MIDEAS: variants seen among roughly 807,000 people sequenced by gnomAD.
MIDEAS encodes mitotic deacetylase associated SANT domain protein.
In MIDEAS, 26 loss-of-function variants were observed where a neutral mutation model predicts 102.7. That is an observed-to-expected ratio of 0.25 (90% CI 0.19 to 0.35). The LOEUF (loss-of-function observed/expected upper bound fraction) is 0.35, where lower values mean the gene tolerates loss of function less well. Among genes scored for constraint, MIDEAS ranks in the 10% least tolerant of loss-of-function variants. The pLI is 1.00. For synonymous variants in MIDEAS, 585 were observed against 591.0 expected, an observed-to-expected ratio of 0.99 and a Z score of 0.15; for missense variants, 1,231 against 1,435.6, an observed-to-expected ratio of 0.86 and a Z score of 2.30.
chr14:73,732,350 G>A (rs992682554), intron 3 of MIDEAS, among the ~76,000 whole-genome samples: 2 of 151,956 alleles, frequency 1.3e-5, no homozygotes, highest in African/African-American at 4.8e-5. Flanking sequence ...AGATCTAGGT[G>A]AAAAAAAAGA....
intron 1 of MIDEAS, among the ~76,000 whole-genome samples, chr14:73,784,597 C>T (rs146900295): frequency 2.1e-4 from 32 of 152,276 alleles, no homozygotes; most frequent in African/African-American, 6.7e-4. Context: ...CAGAAGGGAA[C>T]GATCCCTTCT....
intron 1 of MIDEAS, among the ~76,000 whole-genome samples, chr14:73,765,994 A>G (rs1253144892): frequency 6.6e-6 from 1 of 152,214 alleles, no homozygotes; most frequent in East Asian, 1.9e-4. Flanking sequence ...TTCATGCTCC[A>G]GCAGCAACAC....
chr14:73,768,894 C>T (rs2053615877), intron 1 of MIDEAS, among the ~76,000 whole-genome samples: 1 of 152,202 alleles, frequency 6.6e-6, no homozygotes. Context: ...CTGAGTAGCA[C>T]TGCCAGGGAG....
intron 4 of MIDEAS, chr14:73,727,803 G>A (rs2053084344): frequency 2.6e-6 from 1 of 390,026 alleles, no homozygotes; most frequent in Non-Finnish European, 4.6e-6. Flanking sequence ...AATGCACAGA[G>A]CCTGGCACTC....
At chr14:73,783,784 G>A (rs1030092439) in intron 1 of MIDEAS, among the ~76,000 whole-genome samples, 3 of 152,302 alleles carry the variant, frequency 2.0e-5, no homozygotes, top group East Asian at 1.9e-4. Flanking sequence ...TTTTAAAGAA[G>A]GAAACAAATC....
At chr14:73,762,821 G>A (rs570670623), upstream of MIDEAS, among the ~76,000 whole-genome samples, 3 of 152,206 alleles carry the variant, frequency 2.0e-5, no homozygotes, top group South Asian at 2.1e-4. Context: ...CAAACTGCAC[G>A]AAAAAGGAGT....
At chr14:73,745,858 A>C (rs566548411) in intron 1 of MIDEAS, among the ~76,000 whole-genome samples, 10 of 152,376 alleles carry the variant, frequency 6.6e-5, no homozygotes, top group Non-Finnish European at 1.5e-5. Context: ...CCCTGGGAGC[A>C]TGAGAGAGCA....
rs563594084 is a variant in MIDEAS, at chr14:73,716,924, T to C, written c.*1919A>G. The C allele has an allele frequency of 1.3e-5, 2 of 152,628 alleles. No homozygotes were observed. Among genetic ancestry groups the C allele is most frequent in the Non-Finnish European group, 2.9e-5 (2 of 68,030 alleles). 9.5% of individuals were successfully genotyped at this position (152,628 alleles called of 1,614,324 possible). A position where few individuals can be genotyped will look rare whatever the true frequency, so the allele number is the denominator to read the frequency against. Reference sequence around the variant, plus strand: ...AGAGAGCCTAAATTTGCTACCCCCCTGCTTCTACAGGGTATACCAGATTTT... The same window carrying C: ...AGAGAGCCTAAATTTGCTACCCCCCCGCTTCTACAGGGTATACCAGATTTT... On this transcript the variant is annotated 3_prime_UTR_variant, in exon 13 of 13. Transcript: ENST00000423556.
intron 1 of MIDEAS, among the ~76,000 whole-genome samples, chr14:73,783,518 T>A (rs2053775475): frequency 6.6e-6 from 1 of 152,140 alleles, no homozygotes; most frequent in South Asian, 2.1e-4. Context: ...AGAAGTTTGA[T>A]CCTTACCATG....
In MIDEAS at chr14:73,739,511, C is replaced by G; in HGVS notation, c.498G>C (p.Lys166Asn). 1.2e-6 allele frequency: 2 copies of G among 1,613,822 alleles called. No homozygotes were observed. The highest frequency in any genetic ancestry group is 1.7e-6 in the Non-Finnish European group (2 of 1,179,788). Residue 166 changes from lysine to asparagine, a missense_variant, in exon 2 of 13, where the codon AAG becomes AAC. Coordinates refer to ENST00000423556, the MANE Select transcript of MIDEAS (RefSeq NM_001367710.1). ...PTYYNHPEAL[K>N]REKAGGPQLD... ...GCTGTGGGCCCCCCGCTTTCTCCCG[C>G]TTCAGTGCCTCAGGGTGGTTATAGT...
chr14:73,789,230 T>C (rs1238668876), upstream of MIDEAS: 1 of 145,762 alleles, frequency 6.9e-6, no homozygotes, highest in Non-Finnish European at 1.5e-5. Context: ...GACTAGGTTA[T>C]AAAAAAAAAA....
At chr14:73,752,948 C>A (rs1416368316) in intron 1 of MIDEAS, among the ~76,000 whole-genome samples, 1 of 152,210 alleles carries the variant, frequency 6.6e-6, no homozygotes, top group Non-Finnish European at 1.5e-5. Flanking sequence ...TGATGGGCCC[C>A]AGGTCAGACC....
At chr14:73,730,243 T>G in intron 3 of MIDEAS, 4 of 634,998 alleles carry the variant, frequency 6.3e-6, no homozygotes, top group East Asian at 5.9e-5. Flanking sequence ...CTGTTACATA[T>G]TCCTCTTCTT....
intron 1 of MIDEAS, among the ~76,000 whole-genome samples, chr14:73,782,382 AAG>A (rs1029085268): frequency 7.2e-5 from 11 of 152,032 alleles, no homozygotes; most frequent in African/African-American, 1.7e-4. Context: ...TAGATATATG[AAG>A]AGAGAGAGAG....
chr14:73,726,139 A>G (rs1406057457), intron 7 of MIDEAS, 31 bp from the exon 8 acceptor site: 1 of 1,542,830 alleles, frequency 6.5e-7, no homozygotes, highest in Non-Finnish European at 8.8e-7. Context: ...GGGTCAGGGC[A>G]CTGACAGGGG....
chr14:73,739,016 C>T lies in MIDEAS; in HGVS notation c.993G>A (p.Pro331=), dbSNP rs141317587. The T allele has an allele frequency of 2.0e-5, 31 of 1,539,856 alleles. No individual in the cohort carries two copies. Among genetic ancestry groups the T allele is most frequent in the South Asian group, 6.4e-5 (5 of 78,574 alleles). Residue 331 remains proline, a synonymous_variant, in exon 2 of 13, where the codon CCG becomes CCA. Transcript: ENST00000423556. ...TCTGGACCTGAGGTAGCGCTGGCTG[C>T]GGGGCTGAGTCCTGCAGAAGGGCCT... ...LRKALLQDSA[P]QPALPQVQIP...
chr14:73,784,392 A>T (rs1051941772), intron 1 of MIDEAS, among the ~76,000 whole-genome samples: 3 of 152,264 alleles, frequency 2.0e-5, no homozygotes, highest in Non-Finnish European at 4.4e-5. Context: ...AAAATCTGCC[A>T]TTGGGAACTG....
chr14:73,757,514 A>G (rs887820071), intron 1 of MIDEAS, among the ~76,000 whole-genome samples: 4 of 152,192 alleles, frequency 2.6e-5, no homozygotes, highest in East Asian at 1.9e-4. Context: ...GGTGGAAATG[A>G]GTGTTCAGAA....
At chr14:73,761,775 C>T (rs146465098), upstream of MIDEAS, among the ~76,000 whole-genome samples, 4 of 152,282 alleles carry the variant, frequency 2.6e-5, no homozygotes, top group Admixed American at 6.5e-5. Context: ...CTGAAGAGCC[C>T]TGCATGTGAG....
Sources: gnomAD v4.1 joint callset for allele counts (sites outside exome capture counted in the v4.1 genomes callset) on GRCh38, gnomAD v4.1.1 for gene constraint, MANE v1.5 for transcripts, NCBI Gene and HGNC (gene_info 2026-07-23, HGNC 2026-07-21) for gene names.